Variants in RBFOX3 observed in about 807,000 individuals in gnomAD.
The protein encoded by RBFOX3 is RNA binding protein fox-1 homolog 3.
A neutral mutation model predicts 48.7 loss-of-function variants in RBFOX3; 17 were observed. The ratio of observed to expected loss-of-function variants is 0.35; its 90% CI spans 0.24 to 0.52. RBFOX3 has a LOEUF of 0.52. Among genes scored for constraint, RBFOX3 ranks in the 20% least tolerant of loss-of-function variants. The probability of loss-of-function intolerance (pLI) is 0.94; values close to 1 mark genes in which losing one functional copy is unlikely to be tolerated. For synonymous variants in RBFOX3, 212 were observed against 209.5 expected (o/e 1.01, Z -0.10); for missense variants, 382 against 497.5 (o/e 0.77, Z 2.21).
At chr17:79,206,309 C>T (rs1397995010) in intron 4 of RBFOX3, among the ~76,000 whole-genome samples, 2 of 152,126 alleles carry the variant, frequency 1.3e-5, no homozygotes, top group Non-Finnish European at 2.9e-5. Flanking sequence ...CTTCCAAAGG[C>T]TATCCGTTTT....
intron 2 of RBFOX3, among the ~76,000 whole-genome samples, chr17:79,439,514 C>T (rs1316001597): frequency 5.9e-5 from 9 of 152,210 alleles, no homozygotes; most frequent in African/African-American, 2.2e-4. Flanking sequence ...GAGAAGTTTC[C>T]AGGAGGTCTA....
At chr17:79,641,754 A>T in the RBFOX3 span, among the ~76,000 whole-genome samples, 1 of 152,122 alleles carries the variant, frequency 6.6e-6, no homozygotes, top group Admixed American at 6.6e-5. Flanking sequence ...GCCTGGTGGG[A>T]AGTGATTGGA....
chr17:79,631,001 C>T, the RBFOX3 span, among the ~76,000 whole-genome samples: 14 of 152,110 alleles, frequency 9.2e-5, no homozygotes, highest in African/African-American at 3.4e-4. Flanking sequence ...CAGGGACGGC[C>T]GTCAGAGCCA....
chr17:79,118,562 A>G (rs2034757078), intron 4 of RBFOX3, among the ~76,000 whole-genome samples: 1 of 152,120 alleles, frequency 6.6e-6, no homozygotes, highest in South Asian at 2.1e-4. Flanking sequence ...GCACAGCGTG[A>G]GGGCCCTGCA....
chr17:79,348,919 G>A (rs780198320), intron 2 of RBFOX3, among the ~76,000 whole-genome samples: 1 of 151,680 alleles, frequency 6.6e-6, no homozygotes, highest in Non-Finnish European at 1.5e-5. Flanking sequence ...CAGATCTCCC[G>A]ACATCTCCAC....
At chr17:79,541,497 C>T (rs1555790321) in intron 1 of RBFOX3, among the ~76,000 whole-genome samples, 2 of 152,222 alleles carry the variant, frequency 1.3e-5, no homozygotes, top group Non-Finnish European at 2.9e-5. Flanking sequence ...TGGCCGGCAG[C>T]GGGTCCGCCT....
Position 79,111,120 on chromosome 17 carries a change from C to T in RBFOX3, c.223-4332G>A, listed in dbSNP as rs988610075. On this transcript the variant is annotated intron_variant, in intron 5 of 14. Coordinates refer to ENST00000693108, the MANE Select transcript of RBFOX3 (RefSeq NM_001350451.2). The surrounding 1 kb of genome is among the most constrained non-coding windows in gnomAD (Gnocchi z 4.2). ...GGGAGTTTCCGAGGAGGCTCAGGCC[C>T]GACGGACAGCAGAAAGGACAGAGGT... Among the ~76,000 whole-genome samples the T allele has an allele frequency of 1.1e-4, 17 of 152,200 alleles. No individual in the cohort carries two copies. The highest frequency in any genetic ancestry group is 2.0e-4 in the Admixed American group (3 of 15,286).
intron 1 of RBFOX3, among the ~76,000 whole-genome samples, chr17:79,547,049 C>T (rs1467926612): frequency 1.3e-5 from 2 of 152,118 alleles, no homozygotes; most frequent in Non-Finnish European, 2.9e-5. Flanking sequence ...TGAGCCTGAC[C>T]CTTCCATCCA....
At chr17:79,238,731 A>C (rs903962710) in intron 3 of RBFOX3, among the ~76,000 whole-genome samples, 7 of 152,110 alleles carry the variant, frequency 4.6e-5, no homozygotes, top group Non-Finnish European at 7.3e-5. Context: ...TCACACACGT[A>C]CGAGTGTCTT....
chr17:79,446,563 T>C (rs1318190843), intron 2 of RBFOX3, among the ~76,000 whole-genome samples: 1 of 152,166 alleles, frequency 6.6e-6, no homozygotes. Flanking sequence ...TAGTGTACCA[T>C]TGCTATGGCA....
At chr17:79,539,505 A>C (rs2089358258) in intron 1 of RBFOX3, among the ~76,000 whole-genome samples, 1 of 152,218 alleles carries the variant, frequency 6.6e-6, no homozygotes. Flanking sequence ...TGCCCCAATA[A>C]GTCTACTGTT....
intron 8 of RBFOX3, 54 bp from the exon 9 acceptor site, chr17:79,101,698 A>G: frequency 6.8e-7 from 1 of 1,480,224 alleles, no homozygotes; most frequent in Non-Finnish European, 9.2e-7. Flanking sequence ...CTCCTGGAAG[A>G]CCCACTGGCC....
intron 1 of RBFOX3, among the ~76,000 whole-genome samples, chr17:79,521,344 ACACT>A (rs1457397692): frequency 1.8e-4 from 27 of 152,000 alleles, no homozygotes; most frequent in Middle Eastern, 6.8e-3. Context: ...ACACATTCAC[ACACT>A]CACACTCAGA....
At chr17:79,613,785 C>T (rs1010473688), upstream of RBFOX3, among the ~76,000 whole-genome samples, 9 of 152,142 alleles carry the variant, frequency 5.9e-5, no homozygotes, top group Admixed American at 5.2e-4. Flanking sequence ...ACCAGCCTGG[C>T]CAACATGGTG....
At chr17:79,156,248 T>C (rs1247496992) in intron 4 of RBFOX3, among the ~76,000 whole-genome samples, 2 of 152,222 alleles carry the variant, frequency 1.3e-5, no homozygotes, top group Non-Finnish European at 2.9e-5. Context: ...CTTCAGCCTC[T>C]GCTGTCCAGG....
At chr17:79,583,544 C>T (rs1005247665) in intron 1 of RBFOX3, among the ~76,000 whole-genome samples, 55 of 152,236 alleles carry the variant, frequency 3.6e-4, no homozygotes, top group Admixed American at 9.2e-4. Context: ...AAGGGAGTGA[C>T]ATTTGAGCTG....
rs376165136 is a variant in RBFOX3 at position 79,210,619 on chromosome 17, G to A, written c.-34+25147C>T. 5.3e-5 allele frequency among the ~76,000 whole-genome samples: 8 copies of A among 152,320 alleles called. 1 individual carries two copies. Among genetic ancestry groups the A allele is most frequent in the Admixed American group, 3.9e-4 (6 of 15,314 alleles). On this transcript the variant is annotated intron_variant, in intron 4 of 14. Coordinates refer to ENST00000693108, the MANE Select transcript of RBFOX3 (RefSeq NM_001350451.2). The stretch of plus-strand genomic sequence containing the variant: ...AATTATTTCTCAGGGATATGGTCCC[G>A]GGGCGGGATTATGGAATTGAAGGGT...
chr17:79,470,774 G>A (rs2149372775), intron 2 of RBFOX3, among the ~76,000 whole-genome samples: 1 of 152,340 alleles, frequency 6.6e-6, no homozygotes, highest in Admixed American at 6.5e-5. Context: ...GAAGTTTTAA[G>A]AGAACAAATA....
chr17:79,537,755 T>G (rs1416326471), intron 1 of RBFOX3, among the ~76,000 whole-genome samples: 1 of 152,002 alleles, frequency 6.6e-6, no homozygotes, highest in Non-Finnish European at 1.5e-5. Flanking sequence ...ATGACCCCCA[T>G]CTCCCCACCT....
Sources: gnomAD v4.1 joint callset for allele counts (sites outside exome capture counted in the v4.1 genomes callset) on GRCh38, gnomAD v4.1.1 for gene constraint, Gnocchi (gnomAD v3.1) non-coding constraint, MANE v1.5 for transcripts, NCBI Gene and HGNC (gene_info 2026-07-23, HGNC 2026-07-21) for gene names.